Variants in YY1AP1 observed in about 807,000 individuals in gnomAD.
YY1AP1 encodes YY1-associated protein 1.
Under a neutral mutation model 39.9 loss-of-function variants are expected in YY1AP1, and 43 were observed. That is an observed-to-expected ratio of 1.08 (90% CI 0.84 to 1.39). The LOEUF (loss-of-function observed/expected upper bound fraction) is 1.39, where lower values mean the gene tolerates loss of function less well. YY1AP1 is among the 40% of genes most tolerant of loss of function. The pLI is 0.00. For synonymous variants in YY1AP1, 292 were observed against 331.3 expected, an observed-to-expected ratio of 0.88 and a Z score of 1.29; for missense variants, 813 against 900.7, an observed-to-expected ratio of 0.90 and a Z score of 1.25.
At chr1:155,665,262 T>G (rs1283514229) in intron 9 of YY1AP1, among the ~76,000 whole-genome samples, 1 of 151,588 alleles carries the variant, frequency 6.6e-6, no homozygotes, top group Non-Finnish European at 1.5e-5. Flanking sequence ...CTCAATTTTT[T>G]AAAATTCAGA....
rs1423283939 is a variant in YY1AP1 at position 155,660,005 on chromosome 1, G to T, written c.1905C>A (p.Ala635=). The change falls in exon 11 of 11, where the codon GCC becomes GCA. Residue 635 remains alanine (A), a synonymous_variant. Transcript: ENST00000355499. Reference sequence around the variant, plus strand: ...CACAAGCAATGTCCACATTCATGTGGGCCTTATCTTCAGGGGTGGATGGTA... The same window carrying T: ...CACAAGCAATGTCCACATTCATGTGTGCCTTATCTTCAGGGGTGGATGGTA... ...LPIPSTPEDK[A]HMNVDIACAV... The T allele has an allele frequency of 6.2e-7, 1 of 1,614,134 alleles. No homozygotes were observed. Among genetic ancestry groups the T allele is most frequent in the Non-Finnish European group, 8.5e-7 (1 of 1,180,054 alleles).
At chr1:155,688,538 C>T (rs1458410255) in intron 1 of YY1AP1, 121 bp downstream of exon 1, 1 of 1,542,666 alleles carries the variant, frequency 6.5e-7, no homozygotes, top group East Asian at 2.4e-5. Flanking sequence ...CAACCACCAC[C>T]TTCGGCCGTC....
intron 2 of YY1AP1, chr1:155,687,831 C>G (rs1223088443): frequency 2.1e-6 from 1 of 477,052 alleles, no homozygotes; most frequent in East Asian, 3.3e-5. Flanking sequence ...GACTCCGCCT[C>G]CACTCGCTTA....
intron 9 of YY1AP1, among the ~76,000 whole-genome samples, chr1:155,665,236 A>G (rs192593324): frequency 6.6e-6 from 1 of 151,840 alleles, no homozygotes; most frequent in South Asian, 2.1e-4. Flanking sequence ...TGGGCAAAAA[A>G]CTGAGACCCC....
chr1:155,680,997 T>G (rs865817811), intron 2 of YY1AP1, among the ~76,000 whole-genome samples: 1 of 151,940 alleles, frequency 6.6e-6, no homozygotes, highest in African/African-American at 2.4e-5. Context: ...TAAATTCTAA[T>G]AGGAAGAAGA....
intron 4 of YY1AP1, among the ~76,000 whole-genome samples, chr1:155,678,670 C>T (rs1004675689): frequency 1.3e-5 from 2 of 152,086 alleles, no homozygotes; most frequent in African/African-American, 4.8e-5. Flanking sequence ...TCTTTTTTCA[C>T]TAAATTGGAA....
chr1:155,676,759 G>C lies in YY1AP1; in HGVS notation c.126-13C>G. ...TAGTTCCTCAAACCTATCCCAAACGGGGATGACTGAATTTGAGTGTTTTCC... is the reference window on the plus strand; with the variant it reads ...TAGTTCCTCAAACCTATCCCAAACGCGGATGACTGAATTTGAGTGTTTTCC... On this transcript the variant is annotated splice_polypyrimidine_tract_variant and intron_variant, in intron 4 of 10. Transcript: ENST00000355499. 1 of 1,613,500 alleles carries C rather than the reference G, an allele frequency of 6.2e-7. No homozygotes were observed. Among genetic ancestry groups the C allele is most frequent in the South Asian group, 1.1e-5 (1 of 91,044 alleles).
chr1:155,665,981 T>C (rs925567691), intron 9 of YY1AP1, among the ~76,000 whole-genome samples: 1 of 151,874 alleles, frequency 6.6e-6, no homozygotes, highest in East Asian at 1.9e-4. Flanking sequence ...CAGGGAGCAA[T>C]TTCTTCAAGA....
chr1:155,673,256 C>G (rs1050020673), intron 6 of YY1AP1, among the ~76,000 whole-genome samples: 2 of 151,860 alleles, frequency 1.3e-5, no homozygotes, highest in African/African-American at 4.8e-5. Flanking sequence ...GCTCACAATC[C>G]GCCTGCCTCG....
At chr1:155,667,974 A>G (rs1297563868) in intron 9 of YY1AP1, among the ~76,000 whole-genome samples, 3 of 151,892 alleles carry the variant, frequency 2.0e-5, no homozygotes, top group Non-Finnish European at 4.4e-5. Context: ...ACACACACAC[A>G]CACATACATG....
At chr1:155,665,337 C>G (rs375675004) in intron 9 of YY1AP1, among the ~76,000 whole-genome samples, 1 of 151,860 alleles carries the variant, frequency 6.6e-6, no homozygotes, top group Non-Finnish European at 1.5e-5. Flanking sequence ...GTAATACTCA[C>G]GCCTGTAATC....
chr1:155,686,322 C>T (rs1254993791), intron 2 of YY1AP1, among the ~76,000 whole-genome samples: 1 of 152,044 alleles, frequency 6.6e-6, no homozygotes, highest in African/African-American at 2.4e-5. Context: ...TCCCAAAGTG[C>T]TGGGATTACA....
rs766367965 is a variant in YY1AP1 at position 155,660,842 on chromosome 1, A to C, written c.1068T>G (p.Thr356=). The C allele has an allele frequency of 7.4e-6, 12 of 1,614,030 alleles. No individual in the cohort carries two copies. The highest frequency in any genetic ancestry group is 1.6e-4 in the Middle Eastern group (1 of 6,084). The part of the protein sequence containing the change: ...ADGAREVGNM[T]GTTEINSDQG... ...GATCTGAGTTGATCTCAGTGGTTCC[A>C]GTCATATTTCCTACCTCTCTAGCAC... Residue 356 remains threonine (T), a synonymous_variant, in exon 11 of 11, where the codon ACT becomes ACG. Transcript: ENST00000355499.
intron 9 of YY1AP1, among the ~76,000 whole-genome samples, chr1:155,665,785 A>C (rs1394644543): frequency 3.7e-5 from 4 of 107,480 alleles, no homozygotes; most frequent in African/African-American, 5.6e-5. Flanking sequence ...TCTGTGTCTC[A>C]AAAAAAAAAA....
intron 5 of YY1AP1, 82 bp from the exon 6 acceptor site, chr1:155,675,178 G>A: frequency 1.5e-6 from 2 of 1,322,128 alleles, no homozygotes; most frequent in Non-Finnish European, 2.1e-6. Flanking sequence ...TTTTCCCCCT[G>A]GAGACAGGGT....
At chr1:155,688,608 C>G in intron 1 of YY1AP1, 51 bp downstream of exon 1, 1 of 1,535,562 alleles carries the variant, frequency 6.5e-7, no homozygotes, top group South Asian at 1.2e-5. Context: ...CAGTTCTCCA[C>G]TCCCCCTCAG....
At chr1:155,676,402 T>C in intron 5 of YY1AP1, 146 bp downstream of exon 5, 4 of 939,150 alleles carry the variant, frequency 4.3e-6, no homozygotes, top group Non-Finnish European at 6.5e-6. Context: ...CTCAAGCTCC[T>C]AACTGATGTG....
intron 7 of YY1AP1, chr1:155,670,720 G>C (rs72999012): frequency 0.011 from 4,063 of 378,736 alleles, 170 homozygotes; most frequent in African/African-American, 0.082. Context: ...CTGTCGCCCA[G>C]ACTGGAGTGC....
intron 2 of YY1AP1, among the ~76,000 whole-genome samples, chr1:155,686,870 T>C (rs1652478419): frequency 6.6e-6 from 1 of 152,124 alleles, no homozygotes; most frequent in African/African-American, 2.4e-5. Flanking sequence ...ACCAGTCTTA[T>C]GTGCTCCTAT....
Sources: gnomAD v4.1 joint callset for allele counts (sites outside exome capture counted in the v4.1 genomes callset) on GRCh38, gnomAD v4.1.1 for gene constraint, MANE v1.5 for transcripts, NCBI Gene and HGNC (gene_info 2026-07-23, HGNC 2026-07-21) for gene names.